Variants in ARHGAP24 observed in about 807,000 individuals in gnomAD.
ARHGAP24 encodes the protein Rho GTPase activating protein 24.
Under a neutral mutation model 76.4 loss-of-function variants are expected in ARHGAP24, and 50 were observed. The ratio of observed to expected loss-of-function variants is 0.65; its 90% confidence interval spans 0.52 to 0.83. The LOEUF (loss-of-function observed/expected upper bound fraction) is 0.83. Ranked by LOEUF, ARHGAP24 falls within the 40% of genes least tolerant of loss-of-function variation. The probability of loss-of-function intolerance (pLI) is 0.00; values close to 1 mark genes in which losing one functional copy is unlikely to be tolerated. For missense variants in ARHGAP24, 930 were observed against 914.2 expected (o/e 1.02, Z -0.22); for synonymous variants, 345 against 323.3 (o/e 1.07, Z -0.72).
chr4:85,629,066 T>A (rs1264427905), intron 2 of ARHGAP24, among the ~76,000 whole-genome samples: 1 of 152,208 alleles, frequency 6.6e-6, no homozygotes, highest in Non-Finnish European at 1.5e-5. Context: ...CTTTGTGATG[T>A]GATGATTCTT....
At chr4:85,674,139 G>C (rs1009099539) in intron 2 of ARHGAP24, among the ~76,000 whole-genome samples, 1 of 152,110 alleles carries the variant, frequency 6.6e-6, no homozygotes, top group African/African-American at 2.4e-5. Flanking sequence ...ACCATCTGGA[G>C]GGCTGATTCA....
intron 7 of ARHGAP24, among the ~76,000 whole-genome samples, chr4:85,976,957 A>AT (rs1347300506): frequency 3.0e-4 from 45 of 150,664 alleles, no homozygotes; most frequent in Admixed American, 7.3e-4. Flanking sequence ...TCGTTTTTGT[A>AT]TTTTTTTTAG....
chr4:85,830,331 G>A (rs1182442845), intron 3 of ARHGAP24, among the ~76,000 whole-genome samples: 3 of 152,216 alleles, frequency 2.0e-5, no homozygotes, highest in Admixed American at 2.0e-4. Context: ...AAATGGGAGA[G>A]TGAGTGGGAA....
intron 1 of ARHGAP24, among the ~76,000 whole-genome samples, chr4:85,482,107 A>G (rs1453291862): frequency 6.6e-6 from 1 of 152,228 alleles, no homozygotes; most frequent in Non-Finnish European, 1.5e-5. Flanking sequence ...GCAAGAAAAT[A>G]TGATCCGGGG....
chr4:85,799,145 A>G (rs1190913482), intron 3 of ARHGAP24, among the ~76,000 whole-genome samples: 1 of 152,138 alleles, frequency 6.6e-6, no homozygotes, highest in East Asian at 1.9e-4. Context: ...AGAGGCTGCA[A>G]AGTGTGAGGC....
In ARHGAP24 at chr4:85,739,072, G is replaced by A. The variant is rs1014036882; in HGVS notation, c.268+17100G>A. On this transcript the variant is annotated intron_variant, in intron 3 of 9. Transcript: ENST00000395184. ...CTTGAAAATAAAAGAAGCATTTAGA[G>A]ACCATGCCACACCTGACTCCTCTGT... is the stretch of plus-strand genomic sequence containing the variant. Among the ~76,000 whole-genome samples, 26 of 152,152 alleles carry A rather than the reference G, an allele frequency of 1.7e-4. 2 individuals carry two copies.
At position 85,724,412 on chromosome 4, in the gene ARHGAP24, T is replaced by A. The variant is rs115453644; in HGVS notation, c.268+2440T>A. ...GCCATATATTTTAGCACTATATGCA[T>A]ACGTACACATTTGTGTGTGTGTTAC... On this transcript the variant is annotated intron_variant, in intron 3 of 9. Transcript: ENST00000395184. 7.4e-3 allele frequency among the ~76,000 whole-genome samples: 1,117 copies of A among 151,800 alleles called. 12 individuals are homozygous for A. Among genetic ancestry groups the A allele is most frequent in the African/African-American group, 0.026 (1,070 of 41,362 alleles).
intron 1 of ARHGAP24, among the ~76,000 whole-genome samples, chr4:85,492,841 C>A (rs950015485): frequency 6.6e-6 from 1 of 152,164 alleles, no homozygotes; most frequent in Non-Finnish European, 1.5e-5. Context: ...ATTAACTAAT[C>A]TGTAGTTGTT....
At chr4:85,485,416 T>G (rs28410473) in intron 1 of ARHGAP24, among the ~76,000 whole-genome samples, 3,800 of 115,732 alleles carry the variant, frequency 0.033, 293 homozygotes, top group African/African-American at 0.12. Context: ...TATATATATC[T>G]CCTTGGATTT....
chr4:85,915,424 T>C (rs1413387565), intron 3 of ARHGAP24, among the ~76,000 whole-genome samples: 2 of 152,176 alleles, frequency 1.3e-5, no homozygotes, highest in African/African-American at 4.8e-5. Context: ...ATCACTTTCT[T>C]ATTTATTTAT....
At chr4:85,978,739 T>C (rs1167421481) in intron 8 of ARHGAP24, among the ~76,000 whole-genome samples, 1 of 152,016 alleles carries the variant, frequency 6.6e-6, no homozygotes, top group Non-Finnish European at 1.5e-5. Context: ...TCTTAATGAA[T>C]TATATAAAAC....
At chr4:85,643,953 T>G (rs979399783) in intron 2 of ARHGAP24, among the ~76,000 whole-genome samples, 5 of 152,178 alleles carry the variant, frequency 3.3e-5, no homozygotes, top group African/African-American at 9.6e-5. Context: ...GTGTCTTAGA[T>G]TGGAAGACAG....
intron 1 of ARHGAP24, among the ~76,000 whole-genome samples, chr4:85,495,512 A>G (rs1270477955): frequency 2.0e-5 from 2 of 99,326 alleles, no homozygotes; most frequent in Non-Finnish European, 5.1e-5. Context: ...CACCACGCCC[A>G]GCTAATTTTT....
In ARHGAP24 at chr4:85,923,649, AG is replaced by A; in HGVS notation, c.272del (p.Gly91AlafsTer6). 6.2e-7 allele frequency: 1 copy of A among 1,613,650 alleles called. No homozygotes were observed. The highest frequency in any genetic ancestry group is 8.5e-7 in the Non-Finnish European group (1 of 1,179,734). On this transcript the variant is annotated frameshift_variant and splice_region_variant, in exon 4 of 10. Transcript: ENST00000395184. LOFTEE classifies it high-confidence loss of function. ...TGCATTGTTACTGTGTTTTCACAGG[AG>A]GCGATCGAGATCGGATGACAGCAAA... ...GKFLFEVVPGGDRDRMTANHE... is the reference protein window; with the variant it reads ...GKFLFEVVPGXDRDRMTANHE...
At chr4:85,788,295 A>C (rs985256562) in intron 3 of ARHGAP24, among the ~76,000 whole-genome samples, 1 of 152,236 alleles carries the variant, frequency 6.6e-6, no homozygotes, top group Non-Finnish European at 1.5e-5. Flanking sequence ...TAAAAAAATA[A>C]GGAAGTTATG....
chr4:85,922,715 G>T (rs1345870614), intron 3 of ARHGAP24, among the ~76,000 whole-genome samples: 3 of 152,092 alleles, frequency 2.0e-5, no homozygotes, highest in Non-Finnish European at 4.4e-5. Context: ...AACATAAAAG[G>T]TATAACGAAA....
chr4:85,777,405 C>T (rs1208044155), intron 3 of ARHGAP24, among the ~76,000 whole-genome samples: 2 of 152,088 alleles, frequency 1.3e-5, no homozygotes, highest in Non-Finnish European at 2.9e-5. Context: ...CTCATTGTGT[C>T]TTGGAATTGC....
intron 1 of ARHGAP24, among the ~76,000 whole-genome samples, chr4:85,550,367 G>A (rs7657835): frequency 0.66 from 100,209 of 151,950 alleles, 34,194 homozygotes; most frequent in Middle Eastern, 0.76. Flanking sequence ...GGTGTCTGGC[G>A]TTATTTTTGG....
chr4:85,565,273 C>T (rs1382899645), intron 1 of ARHGAP24, among the ~76,000 whole-genome samples: 3 of 152,078 alleles, frequency 2.0e-5, no homozygotes, highest in African/African-American at 7.2e-5. Context: ...AGTGGAATCA[C>T]ATCTTGAAAA....
Sources: gnomAD v4.1 joint callset for allele counts (sites outside exome capture counted in the v4.1 genomes callset) on GRCh38, gnomAD v4.1.1 for gene constraint, MANE v1.5 for transcripts, NCBI Gene and HGNC (gene_info 2026-07-23, HGNC 2026-07-21) for gene names.